TENM2: variants seen among roughly 807,000 people sequenced by gnomAD.
TENM2 encodes teneurin transmembrane protein 2.
Under a neutral mutation model 245.2 loss-of-function variants are expected in TENM2, and 52 were observed. The observed-to-expected ratio is 0.21, with a 90% CI of 0.17 to 0.27. The LOEUF is 0.27. Among genes scored for constraint, TENM2 ranks in the 10% least tolerant of loss-of-function variants. TENM2 has a pLI of 1.00. For synonymous variants in TENM2, 1,363 were observed against 1,438.9 expected (o/e 0.95, Z 1.19); for missense variants, 3,046 against 3,666.8 (o/e 0.83, Z 4.37).
intron 3 of TENM2, among the ~76,000 whole-genome samples, chr5:167,900,783 T>C (rs1244846650): frequency 1.3e-5 from 2 of 151,172 alleles, no homozygotes; most frequent in African/African-American, 2.4e-5. Flanking sequence ...TGGCGTGTCC[T>C]GTCTTGATTG....
intron 25 of TENM2, among the ~76,000 whole-genome samples, chr5:168,229,229 A>ATAATTAATTACCTGTCCAAGGACACG (rs1169143722): frequency 2.0e-5 from 3 of 151,836 alleles, no homozygotes; most frequent in South Asian, 4.1e-4. Flanking sequence ...CCAAGGACAC[A>ATAATTAATTACCTGTCCAAGGACACG]ATAGCTAGAA....
chr5:167,949,020 G>C (rs1779865358), intron 3 of TENM2: 1 of 152,170 alleles, frequency 6.6e-6, no homozygotes. Flanking sequence ...AGTGAAAAGT[G>C]ATAAATGCAA....
intron 2 of TENM2, among the ~76,000 whole-genome samples, chr5:167,669,341 T>C (rs985766862): frequency 1.0e-4 from 15 of 144,834 alleles, no homozygotes; most frequent in Admixed American, 4.3e-4. Flanking sequence ...AAAATGTTCA[T>C]TTAATTGATT....
At position 167,904,003 on chromosome 5, in the gene TENM2, A is replaced by G. The variant is rs575205374; in HGVS notation, c.712+27808A>G. On this transcript the variant is annotated intron_variant, in intron 3 of 28. Transcript: ENST00000518659. Reference sequence around the variant, plus strand: ...ATGGGGGACTAGTTAGGAGGCTGTTATAGTAATTCATCTGAGCGGTCAATT... The same window carrying G: ...ATGGGGGACTAGTTAGGAGGCTGTTGTAGTAATTCATCTGAGCGGTCAATT... 2.6e-5 allele frequency among the ~76,000 whole-genome samples: 4 copies of G among 152,352 alleles called. No homozygotes were observed. In the South Asian group the frequency reaches 6.2e-4, roughly 24 times the overall value.
chr5:167,918,766 T>C (rs980486010), intron 3 of TENM2, among the ~76,000 whole-genome samples: 5 of 145,974 alleles, frequency 3.4e-5, no homozygotes, highest in South Asian at 4.6e-4. Flanking sequence ...GGATTGGATA[T>C]TTTTCTCCTT....
At chr5:167,308,990 A>C (rs1194638444) in intron 1 of TENM2, among the ~76,000 whole-genome samples, 4 of 117,940 alleles carry the variant, frequency 3.4e-5, no homozygotes, top group African/African-American at 1.3e-4. Flanking sequence ...AATTGCCTGG[A>C]GTTGTGAATT....
chr5:167,590,738 T>C (rs1775821666), intron 2 of TENM2, among the ~76,000 whole-genome samples: 1 of 152,146 alleles, frequency 6.6e-6, no homozygotes, highest in African/African-American at 2.4e-5. Context: ...CTCATTTTTG[T>C]TTCTTTGCTC....
intron 6 of TENM2, among the ~76,000 whole-genome samples, chr5:168,047,867 A>ACAGCAGCAGCTGGAGTGG (rs1788746030): frequency 6.6e-6 from 1 of 152,100 alleles, no homozygotes; most frequent in African/African-American, 2.4e-5. Context: ...AACAGCAGCC[A>ACAGCAGCAGCTGGAGTGG]CAGCAGCAGC....
chr5:167,960,721 G>A (rs1321923386), intron 4 of TENM2, among the ~76,000 whole-genome samples: 9 of 152,084 alleles, frequency 5.9e-5, no homozygotes, highest in African/African-American at 1.9e-4. Context: ...TGTCTTACTA[G>A]CGTTCCAGTC....
chr5:167,568,962 A>C (rs1439404376), intron 2 of TENM2, among the ~76,000 whole-genome samples: 1 of 151,858 alleles, frequency 6.6e-6, no homozygotes, highest in Non-Finnish European at 1.5e-5. Flanking sequence ...GATGACTATC[A>C]GCTAATAACT....
At chr5:168,209,518 A>C (rs1230286837) in intron 19 of TENM2, among the ~76,000 whole-genome samples, 4 of 152,164 alleles carry the variant, frequency 2.6e-5, no homozygotes, top group African/African-American at 9.7e-5. Context: ...ACTAAACCAA[A>C]TGCACCCCAA....
intron 2 of TENM2, among the ~76,000 whole-genome samples, chr5:167,509,080 A>G (rs534546746): frequency 6.6e-6 from 1 of 152,324 alleles, no homozygotes; most frequent in South Asian, 2.1e-4. Context: ...AGCCTCCAAA[A>G]GTACTGGGAT....
the TENM2 span, among the ~76,000 whole-genome samples, chr5:167,189,635 C>G: frequency 2.6e-5 from 4 of 151,830 alleles, no homozygotes; most frequent in South Asian, 6.2e-4. Context: ...GTGGCATGAT[C>G]ATAATTCACT....
At chr5:168,185,304 T>C (rs980643527) in intron 13 of TENM2, 21 of 152,216 alleles carry the variant, frequency 1.4e-4, no homozygotes, top group African/African-American at 5.1e-4. Context: ...CAAGCCTCAG[T>C]TGCATCCTCT....
At chr5:167,295,071 G>A (rs572684418) in intron 1 of TENM2, among the ~76,000 whole-genome samples, 105 of 152,212 alleles carry the variant, frequency 6.9e-4, no homozygotes, top group African/African-American at 2.5e-3. Flanking sequence ...CTATGAATAG[G>A]GAAATAAACA....
intron 23 of TENM2, among the ~76,000 whole-genome samples, chr5:168,223,834 A>G (rs1357656673): frequency 6.6e-6 from 1 of 152,152 alleles, no homozygotes; most frequent in African/African-American, 2.4e-5. Context: ...TCAAAATTCC[A>G]TACAGCAAAA....
chr5:167,009,902 G>T, the TENM2 span, among the ~76,000 whole-genome samples: 1 of 152,112 alleles, frequency 6.6e-6, no homozygotes, highest in African/African-American at 2.4e-5. Flanking sequence ...ATTTTTCTTA[G>T]AGATTTCTAC....
At chr5:167,776,618 A>AAC (rs1763812918) in intron 2 of TENM2, among the ~76,000 whole-genome samples, 1 of 94,048 alleles carries the variant, frequency 1.1e-5, no homozygotes, top group African/African-American at 4.6e-5. Context: ...AAAAAAAAAA[A>AAC]AAAAAAAACC....
At chr5:167,902,666 C>T (rs1775801930) in intron 3 of TENM2, among the ~76,000 whole-genome samples, 2 of 152,164 alleles carry the variant, frequency 1.3e-5, no homozygotes, top group Admixed American at 6.5e-5. Flanking sequence ...GCCGACTCAT[C>T]GAGAATGAGA....
Sources: gnomAD v4.1 joint callset for allele counts (sites outside exome capture counted in the v4.1 genomes callset) on GRCh38, gnomAD v4.1.1 for gene constraint, MANE v1.5 for transcripts, NCBI Gene and HGNC (gene_info 2026-07-23, HGNC 2026-07-21) for gene names.